Variants in CFAP119 observed in about 807,000 individuals in gnomAD.
CFAP119 encodes the protein cilia- and flagella-associated protein 119.
chr16:30,758,656 T>C, the CFAP119 span: 12 of 301,386 alleles, frequency 4.0e-5, no homozygotes, highest in African/African-American at 2.6e-4. Context: ...CCTGGGTTCA[T>C]GCAGTTCTCC....
the CFAP119 span, chr16:30,759,243 C>A: frequency 6.2e-7 from 1 of 1,614,148 alleles, no homozygotes; most frequent in Non-Finnish European, 8.5e-7. Context: ...CAGATCCAGC[C>A]GCACCTGGGA....
chr16:30,757,752 G>A, the CFAP119 span: 1 of 1,482,526 alleles, frequency 6.7e-7, no homozygotes. Context: ...AATTTCCCCT[G>A]GTGGGGATAT....
At chr16:30,758,815 C>T in the CFAP119 span, 5 of 890,748 alleles carry the variant, frequency 5.6e-6, no homozygotes, top group Non-Finnish European at 8.3e-6. Context: ...TCAGATTGTG[C>T]TGGGATTACA....
the CFAP119 span, chr16:30,759,224 A>T: frequency 6.2e-7 from 1 of 1,614,194 alleles, no homozygotes; most frequent in South Asian, 1.1e-5. Flanking sequence ...GCCCCATGTA[A>T]GTCAAAGACA....
At chr16:30,757,727 G>T in the CFAP119 span, 52 of 1,512,410 alleles carry the variant, frequency 3.4e-5, no homozygotes, top group South Asian at 5.0e-4. Flanking sequence ...TCCCTAGTTG[G>T]GCAAACAGTC....
chr16:30,760,565 C>T, the CFAP119 span: 1 of 1,577,976 alleles, frequency 6.3e-7, no homozygotes, highest in Non-Finnish European at 8.6e-7. Context: ...GACCCCTCAG[C>T]CTTTGCCAAG....
chr16:30,760,924 G>A, the CFAP119 span: 1 of 611,872 alleles, frequency 1.6e-6, no homozygotes, highest in Non-Finnish European at 2.9e-6. Context: ...CCTTGGTCAA[G>A]TACTCCCTGT....
chr16:30,759,007 C>T, the CFAP119 span: 1 of 1,614,220 alleles, frequency 6.2e-7, no homozygotes, highest in African/African-American at 1.3e-5. Flanking sequence ...TCTCCAGATC[C>T]TCACTTGGCT....
chr16:30,760,944 T>C, the CFAP119 span: 4 of 610,600 alleles, frequency 6.6e-6, no homozygotes, highest in Non-Finnish European at 1.2e-5. Flanking sequence ...TGGCCCTCAG[T>C]GTCCCCCTCT....
chr16:30,761,971 A>G, the CFAP119 span: 3 of 574,284 alleles, frequency 5.2e-6, no homozygotes, highest in Non-Finnish European at 9.1e-6. Context: ...CGGAAAGCGC[A>G]GGCTCACGCC....
At chr16:30,757,590 C>T in the CFAP119 span, 1 of 1,614,212 alleles carries the variant, frequency 6.2e-7, no homozygotes, top group Non-Finnish European at 8.5e-7. Flanking sequence ...CCACCAGCCC[C>T]TGGAGCTGCT....
the CFAP119 span, chr16:30,757,602 C>T: frequency 4.3e-6 from 7 of 1,614,192 alleles, no homozygotes; most frequent in East Asian, 2.2e-5. Flanking sequence ...GGAGCTGCTC[C>T]AGCTCTTTGT....
the CFAP119 span, chr16:30,760,652 G>A: frequency 4.2e-5 from 65 of 1,553,132 alleles, no homozygotes; most frequent in Non-Finnish European, 5.5e-5. Flanking sequence ...TGCATGGAAT[G>A]GACGTCCAGG....
the CFAP119 span, chr16:30,761,023 G>T: frequency 1.5e-6 from 1 of 675,766 alleles, no homozygotes; most frequent in Admixed American, 2.9e-5. Flanking sequence ...TTCTCACACT[G>T]CCTCCTCTTT....
the CFAP119 span, chr16:30,759,778 CA>C: frequency 6.4e-7 from 1 of 1,554,218 alleles, no homozygotes; most frequent in African/African-American, 1.4e-5. Flanking sequence ...TCCATTCATT[CA>C]CTTCACTCAA....
chr16:30,757,753 G>A, the CFAP119 span: 5 of 1,481,518 alleles, frequency 3.4e-6, no homozygotes, highest in South Asian at 5.5e-5. Context: ...ATTTCCCCTG[G>A]TGGGGATATA....
the CFAP119 span, chr16:30,758,828 T>G: frequency 0.99 from 995,837 of 1,004,138 alleles, 494,191 homozygotes; most frequent in Non-Finnish European, 1. Flanking sequence ...GGATTACAGG[T>G]GTGAGCCACC....
At chr16:30,761,961 C>A in the CFAP119 span, 13 of 581,344 alleles carry the variant, frequency 2.2e-5, no homozygotes, top group African/African-American at 1.5e-4. Flanking sequence ...GGAAGGAAGG[C>A]GGAAAGCGCA....
At chr16:30,761,941 G>A in the CFAP119 span, 1 of 600,762 alleles carries the variant, frequency 1.7e-6, no homozygotes, top group Non-Finnish European at 2.9e-6. Context: ...TTGCCAAGGG[G>A]GCTTGTGAGG....
Sources: allele counts gnomAD v4.1 joint callset, GRCh38; gene constraint gnomAD v4.1.1; transcripts MANE v1.5; gene names NCBI Gene and HGNC (gene_info 2026-07-23, HGNC 2026-07-21).